CEP112: variants seen among roughly 807,000 people sequenced by gnomAD.
CEP112 encodes centrosomal protein of 112 kDa.
In CEP112, 127 loss-of-function variants were observed where a neutral mutation model predicts 153.0. The observed-to-expected ratio is 0.83, with a 90% CI of 0.72 to 0.96. CEP112 has a LOEUF of 0.96. Among genes scored for constraint, CEP112 ranks in the 40% least tolerant of loss-of-function variants. The pLI is 0.00. For synonymous variants in CEP112, 358 were observed against 374.4 expected (o/e 0.96, Z 0.51); for missense variants, 1,089 against 1,101.2 (o/e 0.99, Z 0.16).
intron 24 of CEP112, among the ~76,000 whole-genome samples, chr17:65,677,598 G>A (rs932864485): frequency 2.0e-5 from 3 of 152,046 alleles, no homozygotes; most frequent in Non-Finnish European, 4.4e-5. Context: ...TTAAACTGAC[G>A]TACATCTGGT....
At chr17:66,123,767 C>T (rs185614792) in intron 6 of CEP112, among the ~76,000 whole-genome samples, 1 of 152,234 alleles carries the variant, frequency 6.6e-6, no homozygotes, top group East Asian at 1.9e-4. Context: ...TCTCATTTCC[C>T]TTGAGATTTT....
At chr17:65,771,975 T>A (rs1391976898) in intron 21 of CEP112, among the ~76,000 whole-genome samples, 1 of 151,948 alleles carries the variant, frequency 6.6e-6, no homozygotes, top group Non-Finnish European at 1.5e-5. Flanking sequence ...TGAGCTGTGA[T>A]AGTGGCACTG....
At chr17:65,918,704 C>A (rs1269913022) in intron 19 of CEP112, among the ~76,000 whole-genome samples, 1 of 152,086 alleles carries the variant, frequency 6.6e-6, no homozygotes, top group Non-Finnish European at 1.5e-5. Context: ...TTAGAATTGT[C>A]TTTTTGTTCC....
intron 23 of CEP112, among the ~76,000 whole-genome samples, chr17:65,693,279 G>A (rs1246770197): frequency 6.6e-6 from 1 of 151,882 alleles, no homozygotes; most frequent in Non-Finnish European, 1.5e-5. Context: ...CCTGCCCCCT[G>A]TCCCCACTGC....
At chr17:65,998,128 C>G (rs2063860820) in intron 17 of CEP112, among the ~76,000 whole-genome samples, 1 of 151,616 alleles carries the variant, frequency 6.6e-6, no homozygotes, top group African/African-American at 2.4e-5. Flanking sequence ...ACCTGTAATC[C>G]CAGTATTTTG....
At position 66,078,114 on chromosome 17, in the gene CEP112, G is replaced by A. The variant is rs768054874; in HGVS notation, c.769-8113C>T. 2.6e-5 allele frequency among the ~76,000 whole-genome samples: 4 copies of A among 152,080 alleles called. No individual in the cohort carries two copies. In the East Asian group the frequency reaches 5.8e-4, roughly 22 times the overall value. ...CTAGCCAATTATCACAGCACCATTT[G>A]TTGAAAAGGGTGCCCCTTTCCCCAC... On this transcript the variant is annotated intron_variant, in intron 8 of 26. Transcript: ENST00000535342.
chr17:65,789,070 C>T (rs1039071862), intron 21 of CEP112, among the ~76,000 whole-genome samples: 1 of 152,174 alleles, frequency 6.6e-6, no homozygotes, highest in Non-Finnish European at 1.5e-5. Flanking sequence ...GCCACTACAG[C>T]CTTGGTACCC....
At chr17:65,973,770 A>C (rs1447559503) in intron 17 of CEP112, among the ~76,000 whole-genome samples, 1 of 152,168 alleles carries the variant, frequency 6.6e-6, no homozygotes, top group Non-Finnish European at 1.5e-5. Flanking sequence ...GCAGGAGAGA[A>C]CAAGAGAACG....
At chr17:65,957,836 T>C (rs1404118657) in intron 18 of CEP112, among the ~76,000 whole-genome samples, 1 of 152,132 alleles carries the variant, frequency 6.6e-6, no homozygotes. Flanking sequence ...ATTTAAACAT[T>C]ACAAAATTAT....
chr17:66,180,834 C>T (rs2072689102), intron 2 of CEP112, among the ~76,000 whole-genome samples: 1 of 152,078 alleles, frequency 6.6e-6, no homozygotes, highest in Non-Finnish European at 1.5e-5. Context: ...AGGTCATATT[C>T]ATTTATTGTT....
chr17:65,900,487 C>T (rs535491372), intron 20 of CEP112, among the ~76,000 whole-genome samples: 3 of 152,116 alleles, frequency 2.0e-5, no homozygotes, highest in Non-Finnish European at 4.4e-5. Flanking sequence ...GGATGAACCG[C>T]ACCCTATATG....
intron 21 of CEP112, among the ~76,000 whole-genome samples, chr17:65,795,410 T>C (rs2054853824): frequency 6.6e-6 from 1 of 152,222 alleles, no homozygotes; most frequent in South Asian, 2.1e-4. Flanking sequence ...TCAGTGAGTT[T>C]AAGCAACTTG....
At chr17:65,939,174 A>T (rs2061436874) in intron 18 of CEP112, among the ~76,000 whole-genome samples, 1 of 152,196 alleles carries the variant, frequency 6.6e-6, no homozygotes, top group South Asian at 2.1e-4. Flanking sequence ...ATTAGTATTC[A>T]TTTATTCAAA....
chr17:65,756,599 G>A (rs1419846054), intron 21 of CEP112, among the ~76,000 whole-genome samples: 1 of 152,018 alleles, frequency 6.6e-6, no homozygotes, highest in Non-Finnish European at 1.5e-5. Flanking sequence ...AAGAAATTTT[G>A]TTGTAGTGGG....
intron 17 of CEP112, among the ~76,000 whole-genome samples, chr17:65,969,974 T>C (rs951907093): frequency 5.9e-5 from 9 of 152,094 alleles, no homozygotes; most frequent in African/African-American, 1.7e-4. Context: ...ATGTATAACA[T>C]GCATATCACA....
chr17:65,986,775 T>C (rs1421171287), intron 17 of CEP112, among the ~76,000 whole-genome samples: 2 of 152,256 alleles, frequency 1.3e-5, no homozygotes, highest in Middle Eastern at 3.4e-3. Flanking sequence ...TCCTAGAAAC[T>C]GGGAACTTCA....
chr17:66,030,122 A>G, intron 12 of CEP112, 99 bp from the exon 13 acceptor site: 1 of 934,326 alleles, frequency 1.1e-6, no homozygotes, highest in African/African-American at 1.7e-5. Flanking sequence ...ATAAGAATAA[A>G]TAAAACAAAT....
At chr17:65,744,127 A>C (rs2051297996) in intron 22 of CEP112, among the ~76,000 whole-genome samples, 1 of 152,130 alleles carries the variant, frequency 6.6e-6, no homozygotes, top group African/African-American at 2.4e-5. Context: ...ACGTTGTTGA[A>C]AATGACATCC....
intron 23 of CEP112, among the ~76,000 whole-genome samples, chr17:65,704,213 G>A (rs1274880007): frequency 6.6e-6 from 1 of 152,028 alleles, no homozygotes; most frequent in Non-Finnish European, 1.5e-5. Flanking sequence ...GACAAGGAAG[G>A]ATTCCTCCCT....
Sources: gnomAD v4.1 joint callset for allele counts (sites outside exome capture counted in the v4.1 genomes callset) on GRCh38, gnomAD v4.1.1 for gene constraint, MANE v1.5 for transcripts, NCBI Gene and HGNC (gene_info 2026-07-23, HGNC 2026-07-21) for gene names.